KDM3A: variants seen among roughly 807,000 people sequenced by gnomAD.
KDM3A encodes lysine demethylase 3A.
In KDM3A, 60 loss-of-function variants were observed where a neutral mutation model predicts 158.0. That is an observed-to-expected ratio of 0.38 (90% CI 0.31 to 0.47). KDM3A has a LOEUF of 0.47. Among genes scored for constraint, KDM3A ranks in the 20% least tolerant of loss-of-function variants. The probability of loss-of-function intolerance (pLI) is 0.99; values close to 1 mark genes in which losing one functional copy is unlikely to be tolerated. For synonymous variants in KDM3A, 608 were observed against 549.3 expected (o/e 1.11, Z -1.49); for missense variants, 1,319 against 1,574.3 (o/e 0.84, Z 2.74).
intron 2 of KDM3A, chr2:86,443,327 T>C (rs1279856017): frequency 3.9e-5 from 6 of 152,250 alleles, no homozygotes; most frequent in Admixed American, 3.3e-4. Flanking sequence ...ACTGTTCATT[T>C]GAACACTTTC....
intron 4 of KDM3A, among the ~76,000 whole-genome samples, chr2:86,452,569 A>G (rs748596877): frequency 2.6e-5 from 4 of 152,150 alleles, no homozygotes; most frequent in Admixed American, 6.6e-5. Flanking sequence ...CACGCATACA[A>G]ACACACACAT....
chr2:86,450,664 C>G (rs143885616), intron 3 of KDM3A, among the ~76,000 whole-genome samples: 1 of 152,222 alleles, frequency 6.6e-6, no homozygotes, highest in African/African-American at 2.4e-5. Flanking sequence ...GAAGGCTGAT[C>G]AGATTGTGAT....
intron 9 of KDM3A, among the ~76,000 whole-genome samples, chr2:86,466,137 G>A (rs542956419): frequency 2.6e-5 from 4 of 152,030 alleles, no homozygotes; most frequent in Admixed American, 6.6e-5. Flanking sequence ...TTCTGAGAAC[G>A]TGCAGACATA....
chr2:86,481,943 A>G lies in KDM3A; in HGVS notation c.2526A>G (p.Thr842=). 2.5e-6 allele frequency: 4 copies of G among 1,610,300 alleles called. No individual in the cohort carries two copies. The highest frequency in any genetic ancestry group is 4.5e-5 in the East Asian group (2 of 44,814). ...VNKENKEKQP[T]MPILKNEIKC... Reference sequence around the variant, plus strand: ...GTTTTATTTTAGAAAAACAACCAACAATGCCAATTTTAAAGAATGAAATCA... The same window carrying G: ...GTTTTATTTTAGAAAAACAACCAACGATGCCAATTTTAAAGAATGAAATCA... The change falls in exon 17 of 26, where the codon ACA becomes ACG. Residue 842 remains threonine (T), a synonymous_variant. Transcript: ENST00000312912.
At chr2:86,438,093 C>A (rs944151147), upstream of KDM3A, among the ~76,000 whole-genome samples, 1 of 151,950 alleles carries the variant, frequency 6.6e-6, no homozygotes, top group African/African-American at 2.4e-5. Flanking sequence ...CAATTAAGTA[C>A]AATGTTTAAG....
At chr2:86,471,357 GTATA>G (rs201998290) in intron 11 of KDM3A, among the ~76,000 whole-genome samples, 2 of 117,642 alleles carry the variant, frequency 1.7e-5, no homozygotes, top group Non-Finnish European at 3.9e-5. Context: ...ATGTGTGTGT[GTATA>G]TGTGTATATA....
At position 86,485,865 on chromosome 2, in the gene KDM3A, G is replaced by A. The variant is rs185675585; in HGVS notation, c.3313+6G>A. 6 of 1,605,396 alleles carry A rather than the reference G, an allele frequency of 3.7e-6. No individual in the cohort carries two copies. The highest frequency in any genetic ancestry group is 5.1e-6 in the Non-Finnish European group (6 of 1,173,234). ...CAAGATGTATAATGCTTATGGTAAGGAGGAGATGGCTAACTTTAAAATGGA... is the reference window on the plus strand; with the variant it reads ...CAAGATGTATAATGCTTATGGTAAGAAGGAGATGGCTAACTTTAAAATGGA... On this transcript the variant is annotated splice_donor_region_variant and intron_variant, in intron 21 of 25. Coordinates refer to ENST00000312912, the MANE Select transcript of KDM3A (RefSeq NM_018433.6).
chr2:86,486,360 C>T (rs999798186), intron 21 of KDM3A, among the ~76,000 whole-genome samples: 3 of 152,166 alleles, frequency 2.0e-5, no homozygotes, highest in Middle Eastern at 3.2e-3. Flanking sequence ...TACTCACTGT[C>T]TAACAAGGAG....
intron 25 of KDM3A, chr2:86,491,566 T>C: frequency 2.4e-6 from 1 of 414,396 alleles, no homozygotes; most frequent in Non-Finnish European, 4.4e-6. Context: ...TTGGCCCAGC[T>C]GCCTGTCGGG....
In KDM3A at chr2:86,456,518, T is replaced by G. The variant is rs781260141; in HGVS notation, c.633T>G (p.Val211=). The change falls in exon 6 of 26, where the codon GTT becomes GTG. Residue 211 remains valine, a synonymous_variant. Coordinates refer to ENST00000312912, the MANE Select transcript of KDM3A (RefSeq NM_018433.6). ...CTACTCAGTGGTTTTCAGCAACCGTTATAAATGGAAACCCAGCATCAAAAA... is the reference window on the plus strand; with the variant it reads ...CTACTCAGTGGTTTTCAGCAACCGTGATAAATGGAAACCCAGCATCAAAAA... ...DPSTQWFSAT[V]INGNPASKTL... is the part of the protein sequence containing the mutation. 6.2e-7 allele frequency: 1 copy of G among 1,609,498 alleles called. No homozygotes were observed. The highest frequency in any genetic ancestry group is 2.2e-5 in the East Asian group (1 of 44,680).
chr2:86,450,106 C>A, intron 3 of KDM3A, 144 bp downstream of exon 3: 1 of 808,840 alleles, frequency 1.2e-6, no homozygotes, highest in Non-Finnish European at 1.9e-6. Flanking sequence ...CTCTGCACTT[C>A]TGAGCGAGTC....
chr2:86,465,112 A>G (rs555632844), intron 9 of KDM3A, among the ~76,000 whole-genome samples: 1 of 152,370 alleles, frequency 6.6e-6, no homozygotes, highest in South Asian at 2.1e-4. Flanking sequence ...TGGTAGAGGC[A>G]GGAACAAACA....
At chr2:86,482,199 T>C (rs1673962758) in intron 17 of KDM3A, 97 bp downstream of exon 17, 14 of 1,356,860 alleles carry the variant, frequency 1.0e-5, no homozygotes, top group Non-Finnish European at 1.5e-5. Flanking sequence ...GGAGACTGAA[T>C]CACATACTTA....
At chr2:86,471,634 T>C (rs569829360) in intron 11 of KDM3A, among the ~76,000 whole-genome samples, 193 of 152,312 alleles carry the variant, frequency 1.3e-3, no homozygotes, top group African/African-American at 4.5e-3. Context: ...AAAAGATTGC[T>C]GATGAGCTGA....
In KDM3A at chr2:86,442,017, G is replaced by A; in HGVS notation, c.-30-1G>A. The A allele has an allele frequency of 6.2e-7, 1 of 1,611,980 alleles. No homozygotes were observed. Among genetic ancestry groups the A allele is most frequent in the Non-Finnish European group, 8.5e-7 (1 of 1,178,972 alleles). ...CGCATTTTGTTTTTGTGTTTTTGCA[G>A]GGAGGAGCTCTTCCTGCAGGCGTGG... On this transcript the variant is annotated splice_acceptor_variant, in intron 1 of 25. Coordinates refer to ENST00000312912, the MANE Select transcript of KDM3A (RefSeq NM_018433.6). LOFTEE classifies it low-confidence loss of function (5UTR_SPLICE).
Position 86,484,972 on chromosome 2 carries a change from T to C in KDM3A, c.3125T>C (p.Val1042Ala). 6.2e-7 allele frequency: 1 copy of C among 1,608,734 alleles called. No homozygotes were observed. Among genetic ancestry groups the C allele is most frequent in the Non-Finnish European group, 8.5e-7 (1 of 1,175,254 alleles). ...TTGAAAAATGAAAAAGAACCAATGG[T>C]GTTGAAACTTAAGGACTGGCCACCA... ...NRLKNEKEPM[V>A]LKLKDWPPGE... The change falls in exon 20 of 26, where the codon GTG becomes GCG. Residue 1042 changes from valine to alanine, a missense_variant. Around this residue, in one of 4 missense-constraint regions of KDM3A, gnomAD observed 186 missense variants for 340.9 expected, o/e 0.55. Transcript: ENST00000312912.
At chr2:86,458,406 G>A (rs1247198250) in intron 8 of KDM3A, among the ~76,000 whole-genome samples, 1 of 152,204 alleles carries the variant, frequency 6.6e-6, no homozygotes, top group African/African-American at 2.4e-5. Flanking sequence ...GAAGAGTTAA[G>A]TATGGAAATT....
intron 18 of KDM3A, 158 bp from the exon 19 acceptor site, chr2:86,483,829 G>A: frequency 1.7e-6 from 1 of 577,486 alleles, no homozygotes; most frequent in South Asian, 2.3e-5. Context: ...AGGTGCTTTG[G>A]GAGCTCAGAG....
intron 12 of KDM3A, among the ~76,000 whole-genome samples, chr2:86,477,043 T>C (rs949143196): frequency 1.3e-5 from 2 of 152,238 alleles, no homozygotes; most frequent in Admixed American, 1.3e-4. Context: ...GAAAGCTTGC[T>C]GATAACCTGG....
Sources: gnomAD v4.1 joint callset for allele counts (sites outside exome capture counted in the v4.1 genomes callset) on GRCh38, gnomAD v4.1.1 for gene constraint, gnomAD v4.1.1 regional missense constraint, MANE v1.5 for transcripts, NCBI Gene and HGNC (gene_info 2026-07-23, HGNC 2026-07-21) for gene names.